FHIT: variants seen among roughly 807,000 people sequenced by gnomAD.
The protein encoded by FHIT is fragile histidine triad diadenosine triphosphatase, also known as bis(5'-adenosyl)-triphosphatase.
A neutral mutation model predicts 17.9 loss-of-function variants in FHIT; 19 were observed. That is an observed-to-expected ratio of 1.06 (90% CI 0.74 to 1.56). The LOEUF (loss-of-function observed/expected upper bound fraction) is 1.56, where lower values mean the gene tolerates loss of function less well. Among genes scored for constraint, FHIT ranks in the 40% most tolerant of loss-of-function variants. The pLI, the probability that FHIT is intolerant of heterozygous loss-of-function variation, is 0.00. For synonymous variants in FHIT, 81 were observed against 69.7 expected (o/e 1.16, Z -0.81); for missense variants, 248 against 189.2 (o/e 1.31, Z -1.82).
intron 2 of FHIT, among the ~76,000 whole-genome samples, chr3:61,107,012 T>C (rs1051722893): frequency 4.6e-5 from 7 of 152,150 alleles, no homozygotes; most frequent in Non-Finnish European, 1.0e-4. Context: ...GTAGTGCTTT[T>C]CAAGAAAATA....
chr3:60,315,696 G>T (rs1453935275), intron 5 of FHIT, among the ~76,000 whole-genome samples: 1 of 152,168 alleles, frequency 6.6e-6, no homozygotes, highest in African/African-American at 2.4e-5. Flanking sequence ...TTCTGCTGCT[G>T]CTGATGGATA....
At chr3:60,283,845 G>A (rs1188239908) in intron 5 of FHIT, among the ~76,000 whole-genome samples, 8 of 152,074 alleles carry the variant, frequency 5.3e-5, no homozygotes, top group Non-Finnish European at 5.9e-5. Flanking sequence ...ATGGGCCAAA[G>A]GTATACAATA....
chr3:60,329,057 C>A (rs1351033425), intron 5 of FHIT, among the ~76,000 whole-genome samples: 2 of 152,188 alleles, frequency 1.3e-5, no homozygotes, highest in Non-Finnish European at 2.9e-5. Context: ...CTTAGCAAAG[C>A]CTTTTGAATT....
At position 59,891,874 on chromosome 3, in the gene FHIT, T is replaced by G. The variant is rs144885145; in HGVS notation, c.348+30472A>C. On this transcript the variant is annotated intron_variant, in intron 8 of 9. Transcript: ENST00000492590. Reference sequence around the variant, plus strand: ...AAGGAATCCACATGCACTCTGAGATTTCTGTTTAGATTTTTCCTGAAGAGC... The same window carrying G: ...AAGGAATCCACATGCACTCTGAGATGTCTGTTTAGATTTTTCCTGAAGAGC... Among the ~76,000 whole-genome samples, 480 of 152,264 alleles carry G rather than the reference T, an allele frequency of 3.2e-3. 2 individuals are homozygous for G. The highest frequency in any genetic ancestry group is 0.011 in the African/African-American group (456 of 41,544).
intron 7 of FHIT, among the ~76,000 whole-genome samples, chr3:59,943,594 G>A (rs1047034593): frequency 6.6e-6 from 1 of 152,102 alleles, no homozygotes; most frequent in African/African-American, 2.4e-5. Context: ...ACTCCTGTCT[G>A]TAAAAGGCAC....
In FHIT at chr3:59,770,690, C is replaced by T. The variant is rs866317564; in HGVS notation, c.349-18369G>A. Among the ~76,000 whole-genome samples, 15 of 152,290 alleles carry T rather than the reference C, an allele frequency of 9.8e-5. No individual in the cohort carries two copies. The Middle Eastern group carries it at 0.01, about 104-fold the overall frequency. ...CCACCCAGGTTGTGGTACTTGATTA[C>T]GGCAGCCCTAGCCCTCTAATACATA... On this transcript the variant is annotated intron_variant, in intron 8 of 9. Transcript: ENST00000492590.
intron 4 of FHIT, among the ~76,000 whole-genome samples, chr3:60,541,474 C>G (rs1176550490): frequency 6.6e-6 from 1 of 152,132 alleles, no homozygotes; most frequent in African/African-American, 2.4e-5. Context: ...TAACACCCCA[C>G]CATATTCTAC....
intron 5 of FHIT, among the ~76,000 whole-genome samples, chr3:60,202,085 T>A (rs538073543): frequency 1.3e-5 from 2 of 152,300 alleles, no homozygotes; most frequent in African/African-American, 4.8e-5. Context: ...ATTCATTCAA[T>A]CCATAAAAAT....
chr3:61,212,253 A>G (rs1576231362), intron 1 of FHIT, among the ~76,000 whole-genome samples: 1 of 152,186 alleles, frequency 6.6e-6, no homozygotes, highest in East Asian at 1.9e-4. Flanking sequence ...AAAAACTTTG[A>G]AAAAAATTTA....
At chr3:59,788,511 T>C (rs577273700) in intron 8 of FHIT, among the ~76,000 whole-genome samples, 52 of 152,296 alleles carry the variant, frequency 3.4e-4, no homozygotes, top group African/African-American at 1.2e-3. Context: ...CCCTGCCTCC[T>C]GTGGTTAGGG....
At chr3:60,687,825 T>C (rs1553698779) in intron 4 of FHIT, among the ~76,000 whole-genome samples, 2 of 152,172 alleles carry the variant, frequency 1.3e-5, no homozygotes, top group African/African-American at 4.8e-5. Context: ...TTCATGTATT[T>C]TGAGGCTGTT....
chr3:61,213,366 A>G (rs2039554589), intron 1 of FHIT, among the ~76,000 whole-genome samples: 2 of 152,228 alleles, frequency 1.3e-5, no homozygotes, highest in Admixed American at 1.3e-4. Context: ...CTACTCTCTG[A>G]TAAAACAGTC....
intron 4 of FHIT, chr3:60,730,205 T>C: frequency 2.9e-6 from 1 of 349,546 alleles, no homozygotes; most frequent in Non-Finnish European, 5.8e-6. Flanking sequence ...CAGATTTTCG[T>C]GTATTCCTCT....
intron 2 of FHIT, among the ~76,000 whole-genome samples, chr3:61,155,007 G>A (rs1038524039): frequency 3.3e-5 from 5 of 152,154 alleles, no homozygotes; most frequent in Admixed American, 3.3e-4. Context: ...ATACTCCCAG[G>A]CAATATCCCT....
chr3:61,194,154 A>G (rs2038791636), intron 2 of FHIT, among the ~76,000 whole-genome samples: 1 of 152,178 alleles, frequency 6.6e-6, no homozygotes, highest in South Asian at 2.1e-4. Context: ...CTATGGAATG[A>G]GGATCTTCAA....
At chr3:61,126,788 G>A (rs1212559033) in intron 2 of FHIT, among the ~76,000 whole-genome samples, 17 of 152,184 alleles carry the variant, frequency 1.1e-4, no homozygotes, top group Admixed American at 1.1e-3. Flanking sequence ...ACCAGGGTGG[G>A]TGGTGGAGGA....
At chr3:60,244,835 T>C (rs567630268) in intron 5 of FHIT, among the ~76,000 whole-genome samples, 1 of 152,258 alleles carries the variant, frequency 6.6e-6, no homozygotes, top group Non-Finnish European at 1.5e-5. Flanking sequence ...ATTTTAGTTA[T>C]GATTATTTAA....
chr3:60,970,044 A>C (rs889399270), intron 3 of FHIT, among the ~76,000 whole-genome samples: 31 of 152,050 alleles, frequency 2.0e-4, no homozygotes, highest in African/African-American at 7.5e-4. Context: ...GGCTGGTCTT[A>C]AACTCCTACA....
chr3:60,756,839 C>A lies in FHIT; in HGVS notation c.-18+65080G>T, dbSNP rs189180768. On this transcript the variant is annotated intron_variant, in intron 4 of 9. Coordinates refer to ENST00000492590, the MANE Select transcript of FHIT (RefSeq NM_002012.4). ...CTGGAGTTTGGCCAGGTCTTTTTGT[C>A]TGTATAGCACAAACCTTGTGACCAC... Among the ~76,000 whole-genome samples, 168 of 152,316 alleles carry A rather than the reference C, an allele frequency of 1.1e-3. 1 individual carries two copies. The highest frequency in any genetic ancestry group is 4.1e-4 in the Non-Finnish European group (28 of 68,032).
Sources: gnomAD v4.1 joint callset for allele counts (sites outside exome capture counted in the v4.1 genomes callset) on GRCh38, gnomAD v4.1.1 for gene constraint, MANE v1.5 for transcripts, NCBI Gene and HGNC (gene_info 2026-07-23, HGNC 2026-07-21) for gene names.